Variants in MAGI2 observed in about 807,000 individuals in gnomAD.
The protein encoded by MAGI2 is membrane associated guanylate kinase, WW and PDZ domain containing 2.
A neutral mutation model predicts 133.3 loss-of-function variants in MAGI2; 35 were observed. The ratio of observed to expected loss-of-function variants is 0.26; its 90% CI spans 0.20 to 0.35. The LOEUF is 0.35. Ranked by LOEUF, MAGI2 falls within the 10% of genes least tolerant of loss-of-function variation. The pLI, the probability that MAGI2 is intolerant of heterozygous loss-of-function variation, is 1.00. For synonymous variants in MAGI2, 729 were observed against 710.6 expected, an observed-to-expected ratio of 1.03 and a Z score of -0.41; for missense variants, 1,636 against 1,863.4, an observed-to-expected ratio of 0.88 and a Z score of 2.25.
chr7:79,384,952 A>G (rs376609133), intron 1 of MAGI2, among the ~76,000 whole-genome samples: 48 of 151,876 alleles, frequency 3.2e-4, no homozygotes, highest in African/African-American at 1.1e-3. Flanking sequence ...AGACTCTGTC[A>G]CTATGTACCT....
intron 11 of MAGI2, among the ~76,000 whole-genome samples, chr7:78,199,006 A>G (rs1004328889): frequency 1.3e-5 from 2 of 152,196 alleles, no homozygotes; most frequent in African/African-American, 4.8e-5. Context: ...GTAACACAGG[A>G]CTAGGAGGAA....
At chr7:78,703,537 T>TA (rs1323426227) in intron 2 of MAGI2, among the ~76,000 whole-genome samples, 1 of 152,022 alleles carries the variant, frequency 6.6e-6, no homozygotes, top group Non-Finnish European at 1.5e-5. Context: ...ACTCTGACTG[T>TA]AAAGATAATA....
chr7:78,135,207 C>G lies in MAGI2; in HGVS notation c.2846-1G>C. 6.2e-7 allele frequency: 1 copy of G among 1,613,460 alleles called. No individual in the cohort carries two copies. The highest frequency in any genetic ancestry group is 8.5e-7 in the Non-Finnish European group (1 of 1,179,604). On this transcript the variant is annotated splice_acceptor_variant, in intron 16 of 21. Coordinates refer to ENST00000354212, the MANE Select transcript of MAGI2 (RefSeq NM_012301.4). LOFTEE classifies it high-confidence loss of function. ...ATGCGTCCGATTTTATGGGGCACAG[C>G]TAAAAAAACCCCAACAGAAATAGGT...
chr7:78,177,429 CA>C (rs755322769), intron 14 of MAGI2, among the ~76,000 whole-genome samples: 17,184 of 151,710 alleles, frequency 0.11, 1,283 homozygotes, highest in Non-Finnish European at 0.15. Context: ...CACACACACA[CA>C]CACACACACA....
At chr7:78,759,864 C>A (rs207468106) in intron 2 of MAGI2, among the ~76,000 whole-genome samples, 1 of 152,086 alleles carries the variant, frequency 6.6e-6, no homozygotes, top group East Asian at 1.9e-4. Flanking sequence ...GATGGTGGCT[C>A]ACACCTGTAA....
At chr7:78,839,642 A>G (rs1044329256) in intron 2 of MAGI2, among the ~76,000 whole-genome samples, 1 of 152,058 alleles carries the variant, frequency 6.6e-6, no homozygotes, top group Admixed American at 6.6e-5. Flanking sequence ...GAACTTCCAA[A>G]TACTTCCAAA....
At chr7:79,019,119 TAA>T (rs1562793904) in intron 1 of MAGI2, among the ~76,000 whole-genome samples, 1 of 152,116 alleles carries the variant, frequency 6.6e-6, no homozygotes, top group Non-Finnish European at 1.5e-5. Context: ...ACACACACTT[TAA>T]AGATGACCAA....
chr7:78,654,420 T>C (rs1030459164), intron 2 of MAGI2, among the ~76,000 whole-genome samples: 1 of 152,012 alleles, frequency 6.6e-6, no homozygotes, highest in African/African-American at 2.4e-5. Context: ...ATGAACCTGG[T>C]CCCACAAGAT....
At chr7:79,271,213 G>A (rs1324778173) in intron 1 of MAGI2, among the ~76,000 whole-genome samples, 3 of 152,200 alleles carry the variant, frequency 2.0e-5, no homozygotes, top group South Asian at 2.1e-4. Context: ...ACATATTGAC[G>A]ATTCTACATA....
At chr7:78,840,539 G>A (rs1792042928) in intron 2 of MAGI2, among the ~76,000 whole-genome samples, 1 of 152,136 alleles carries the variant, frequency 6.6e-6, no homozygotes, top group East Asian at 1.9e-4. Flanking sequence ...GTGGAGTCCA[G>A]AGTATGATTC....
At chr7:78,593,922 A>G (rs1031880378) in intron 3 of MAGI2, among the ~76,000 whole-genome samples, 1 of 152,208 alleles carries the variant, frequency 6.6e-6, no homozygotes, top group African/African-American at 2.4e-5. Context: ...ATGTTAGCTT[A>G]GGGAAGCTGC....
intron 1 of MAGI2, among the ~76,000 whole-genome samples, chr7:79,028,247 A>ATGTATG (rs1180077115): frequency 2.1e-5 from 1 of 46,926 alleles, no homozygotes; most frequent in Non-Finnish European, 4.2e-5. Flanking sequence ...ATATATATAT[A>ATGTATG]TATATATATA....
chr7:78,064,061 T>A (rs1183382937), intron 21 of MAGI2, among the ~76,000 whole-genome samples: 1 of 152,154 alleles, frequency 6.6e-6, no homozygotes, highest in Non-Finnish European at 1.5e-5. Flanking sequence ...CTAGTTAAAG[T>A]AAATTATATG....
intron 3 of MAGI2, among the ~76,000 whole-genome samples, chr7:78,625,928 G>T (rs1808294256): frequency 6.6e-6 from 1 of 152,102 alleles, no homozygotes; most frequent in Non-Finnish European, 1.5e-5. Context: ...GTTTGTGTAG[G>T]TACATTCTAT....
chr7:78,254,187 G>A (rs888996458), intron 10 of MAGI2: 7 of 152,148 alleles, frequency 4.6e-5, no homozygotes, highest in African/African-American at 1.7e-4. Context: ...GGCACACAAC[G>A]AATATTTTCA....
intron 1 of MAGI2, among the ~76,000 whole-genome samples, chr7:79,021,741 T>C (rs1219668493): frequency 6.6e-6 from 1 of 152,154 alleles, no homozygotes; most frequent in Non-Finnish European, 1.5e-5. Flanking sequence ...AATGCTGGAA[T>C]GAATTAAGAT....
chr7:79,215,247 T>C (rs1829924547), intron 1 of MAGI2, among the ~76,000 whole-genome samples: 2 of 151,932 alleles, frequency 1.3e-5, no homozygotes, highest in Admixed American at 1.3e-4. Flanking sequence ...AAATGACAGA[T>C]AAAAGCAGGC....
chr7:78,746,009 C>G (rs974636977), intron 2 of MAGI2, among the ~76,000 whole-genome samples: 1 of 152,156 alleles, frequency 6.6e-6, no homozygotes, highest in Non-Finnish European at 1.5e-5. Flanking sequence ...AATATTTCCT[C>G]TATATACCAT....
chr7:78,679,411 C>T (rs1024093878), intron 2 of MAGI2, among the ~76,000 whole-genome samples: 4 of 152,180 alleles, frequency 2.6e-5, no homozygotes, highest in Middle Eastern at 3.4e-3. Flanking sequence ...GAACATATCA[C>T]GGTTTTAGCA....
Sources: gnomAD v4.1 joint callset for allele counts (sites outside exome capture counted in the v4.1 genomes callset) on GRCh38, gnomAD v4.1.1 for gene constraint, MANE v1.5 for transcripts, NCBI Gene and HGNC (gene_info 2026-07-23, HGNC 2026-07-21) for gene names.